PDE4B: variants seen among roughly 807,000 people sequenced by gnomAD.
PDE4B encodes the protein phosphodiesterase 4B, also known as 3',5'-cyclic-AMP phosphodiesterase 4B.
In PDE4B, 20 loss-of-function variants were observed where a neutral mutation model predicts 82.2. That is an observed-to-expected ratio of 0.24 (90% CI 0.17 to 0.35). The LOEUF is 0.35. Ranked by LOEUF, PDE4B falls within the 10% of genes least tolerant of loss-of-function variation. PDE4B has a pLI of 1.00. For synonymous variants in PDE4B, 320 were observed against 318.9 expected (o/e 1.00, Z -0.04); for missense variants, 655 against 907.2 (o/e 0.72, Z 3.57).
rs141607022 is a variant in PDE4B, at chr1:65,818,645, C to CAT, written c.-71+25408_-71+25409dup. Among the ~76,000 whole-genome samples the CAT allele has an allele frequency of 4.7e-3, 677 of 142,972 alleles. 1 individual carries two copies. Among genetic ancestry groups the CAT allele is most frequent in the Middle Eastern group, 0.014 (4 of 280 alleles). The allele number at this position is 142,972 out of a possible 152,430, so 93.8% of individuals were successfully genotyped here. On this transcript the variant is annotated intron_variant, in intron 1 of 16. Transcript: ENST00000341517. Reference sequence around the variant, plus strand: ...TTATACAATGAATGTTTAATACATACATATATATATATGCATACATATATA... The same window carrying CAT: ...TTATACAATGAATGTTTAATACATACATATATATATATATGCATACATATATA...
At chr1:65,869,094 G>A (rs114932080) in intron 1 of PDE4B, among the ~76,000 whole-genome samples, 41 of 152,214 alleles carry the variant, frequency 2.7e-4, no homozygotes, top group African/African-American at 8.9e-4. Flanking sequence ...TCTGATTCTT[G>A]GAAGATATTG....
At chr1:65,985,143 A>G (rs1650891084) in intron 3 of PDE4B, among the ~76,000 whole-genome samples, 1 of 152,190 alleles carries the variant, frequency 6.6e-6, no homozygotes, top group Non-Finnish European at 1.5e-5. Flanking sequence ...ACCATTTTGG[A>G]AGAATTTTCT....
chr1:66,045,666 TG>T (rs1654667042), intron 3 of PDE4B, among the ~76,000 whole-genome samples: 1 of 151,414 alleles, frequency 6.6e-6, no homozygotes, highest in South Asian at 2.1e-4. Context: ...CATGTTAAAG[TG>T]GGGGGCAGGG....
chr1:65,958,999 T>A (rs1382930643), intron 3 of PDE4B, among the ~76,000 whole-genome samples: 1 of 152,198 alleles, frequency 6.6e-6, no homozygotes, highest in African/African-American at 2.4e-5. Context: ...GATGCAGAAA[T>A]AAAATATTTT....
chr1:65,852,339 C>A (rs936840513), intron 1 of PDE4B, among the ~76,000 whole-genome samples: 2 of 151,896 alleles, frequency 1.3e-5, no homozygotes, highest in Non-Finnish European at 2.9e-5. Context: ...AATCCGAGTT[C>A]AGAAACTTTT....
chr1:66,127,179 A>G (rs1175797659), intron 3 of PDE4B, among the ~76,000 whole-genome samples: 1 of 152,156 alleles, frequency 6.6e-6, no homozygotes, highest in Non-Finnish European at 1.5e-5. Flanking sequence ...AGTTTTTAAG[A>G]TTGTACTATG....
chr1:66,065,808 T>C (rs1421498789), intron 3 of PDE4B, among the ~76,000 whole-genome samples: 3 of 151,898 alleles, frequency 2.0e-5, no homozygotes, highest in Non-Finnish European at 4.4e-5. Context: ...TATTATACAA[T>C]GTAGGTTTTA....
At chr1:66,228,620 C>T (rs1570513486) in intron 3 of PDE4B, among the ~76,000 whole-genome samples, 1 of 136,930 alleles carries the variant, frequency 7.3e-6, no homozygotes, top group East Asian at 2.3e-4. Context: ...CAGAGCAAGA[C>T]TCCGTTAAAA....
At chr1:66,128,632 A>C (rs1380246297) in intron 3 of PDE4B, among the ~76,000 whole-genome samples, 1 of 152,344 alleles carries the variant, frequency 6.6e-6, no homozygotes, top group East Asian at 1.9e-4. Context: ...GCCACATAAT[A>C]GTCTGGCTTT....
At chr1:66,219,470 T>C (rs190758589) in intron 3 of PDE4B, among the ~76,000 whole-genome samples, 127 of 152,300 alleles carry the variant, frequency 8.3e-4, no homozygotes, top group African/African-American at 2.9e-3. Flanking sequence ...GCTATCTGTT[T>C]CCATTCTGCC....
chr1:66,085,228 A>T (rs1656945714), intron 3 of PDE4B, among the ~76,000 whole-genome samples: 1 of 152,246 alleles, frequency 6.6e-6, no homozygotes, highest in South Asian at 2.1e-4. Context: ...AGTGCTTCTG[A>T]TGTAGACTAA....
chr1:65,893,235 C>A (rs1646871586), intron 1 of PDE4B, among the ~76,000 whole-genome samples: 1 of 151,788 alleles, frequency 6.6e-6, no homozygotes, highest in African/African-American at 2.4e-5. Flanking sequence ...TGAACATTTC[C>A]TAAATTTATA....
At chr1:65,986,397 C>T (rs1024579148) in intron 3 of PDE4B, among the ~76,000 whole-genome samples, 1 of 152,140 alleles carries the variant, frequency 6.6e-6, no homozygotes, top group African/African-American at 2.4e-5. Flanking sequence ...GAAGAGTTTT[C>T]CTTTGAATTT....
At chr1:66,287,766 G>T (rs1266235353) in intron 7 of PDE4B, among the ~76,000 whole-genome samples, 3 of 152,128 alleles carry the variant, frequency 2.0e-5, no homozygotes, top group African/African-American at 7.2e-5. Context: ...CCAGGAGTTT[G>T]AGAGCAGCCT....
At chr1:65,909,688 C>G (rs1346980287) in intron 1 of PDE4B, among the ~76,000 whole-genome samples, 1 of 152,152 alleles carries the variant, frequency 6.6e-6, no homozygotes, top group Non-Finnish European at 1.5e-5. Flanking sequence ...TTTAGAAAGA[C>G]TTTGTTTTAA....
chr1:65,841,578 A>T (rs982082935), intron 1 of PDE4B, among the ~76,000 whole-genome samples: 7 of 152,136 alleles, frequency 4.6e-5, no homozygotes, highest in African/African-American at 1.7e-4. Flanking sequence ...CAGTCATCTA[A>T]GGCTTCAAGG....
intron 7 of PDE4B, among the ~76,000 whole-genome samples, chr1:66,311,939 A>G (rs1658701663): frequency 6.6e-6 from 1 of 152,198 alleles, no homozygotes; most frequent in African/African-American, 2.4e-5. Flanking sequence ...TTACCTTCAT[A>G]CAGAGCTTCT....
intron 3 of PDE4B, among the ~76,000 whole-genome samples, chr1:66,070,344 G>A (rs895914286): frequency 3.9e-5 from 6 of 151,922 alleles, no homozygotes; most frequent in African/African-American, 1.2e-4. Context: ...TGGAGGAAAA[G>A]CTTTGAGGGT....
At chr1:65,902,308 T>C (rs1021951425) in intron 1 of PDE4B, among the ~76,000 whole-genome samples, 1 of 152,168 alleles carries the variant, frequency 6.6e-6, no homozygotes, top group African/African-American at 2.4e-5. Context: ...ATAATTGTTT[T>C]GCCAATAGAA....
Sources: gnomAD v4.1 joint callset for allele counts (sites outside exome capture counted in the v4.1 genomes callset) on GRCh38, gnomAD v4.1.1 for gene constraint, MANE v1.5 for transcripts, NCBI Gene and HGNC (gene_info 2026-07-23, HGNC 2026-07-21) for gene names.